BPI: variants seen among roughly 807,000 people sequenced by gnomAD.
BPI encodes bactericidal permeability increasing protein.
A neutral mutation model predicts 57.6 loss-of-function variants in BPI; 48 were observed. That is an observed-to-expected ratio of 0.83 (90% CI 0.66 to 1.06). BPI has a LOEUF of 1.06. Ranked by LOEUF, BPI falls within the 50% of genes least tolerant of loss-of-function variation. The pLI is 0.00. For synonymous variants in BPI, 237 were observed against 238.2 expected, an observed-to-expected ratio of 0.99 and a Z score of 0.05; for missense variants, 651 against 609.7, an observed-to-expected ratio of 1.07 and a Z score of -0.71.
At position 38,311,934 on chromosome 20, in the gene BPI, C is replaced by A. The variant is rs913902137; in HGVS notation, c.597C>A (p.Ser199Arg). ...IESALRNKMNSQVCEKVTNSV... is the reference protein window; with the variant it reads ...IESALRNKMNRQVCEKVTNSV... ...CTGCGCTTCGAAACAAGATGAACAG[C>A]CAGGTAGGAGGGGCTCAGAGCCCCA... Residue 199 changes from serine (S) to arginine (R), a missense_variant, in exon 5 of 15, where the codon AGC becomes AGA. Coordinates refer to ENST00000642449, the MANE Select transcript of BPI (RefSeq NM_001725.3). 5.6e-6 allele frequency: 9 copies of A among 1,613,882 alleles called. No individual in the cohort carries two copies. Among genetic ancestry groups the A allele is most frequent in the Non-Finnish European group, 7.6e-6 (9 of 1,179,922 alleles).
intron 5 of BPI, among the ~76,000 whole-genome samples, chr20:38,314,200 T>C (rs974958869): frequency 5.7e-5 from 5 of 86,980 alleles, no homozygotes; most frequent in African/African-American, 1.9e-4. Context: ...GTGATGGTGA[T>C]GGTGGGGATG....
chr20:38,323,188 T>C (rs528787614), intron 7 of BPI, among the ~76,000 whole-genome samples: 1 of 152,160 alleles, frequency 6.6e-6, no homozygotes, highest in East Asian at 1.9e-4. Flanking sequence ...GCCTGTGTTT[T>C]TATACTTTTT....
At chr20:38,329,047 A>T (rs915419456) in intron 11 of BPI, among the ~76,000 whole-genome samples, 9 of 152,248 alleles carry the variant, frequency 5.9e-5, no homozygotes, top group African/African-American at 2.2e-4. Context: ...ATAGATTTTT[A>T]AAAGTAAAAG....
At chr20:38,316,755 T>A (rs1426080785) in intron 5 of BPI, among the ~76,000 whole-genome samples, 1 of 152,200 alleles carries the variant, frequency 6.6e-6, no homozygotes, top group African/African-American at 2.4e-5. Flanking sequence ...TACCACCTCC[T>A]ACCCTTCTTT....
chr20:38,305,441 T>C (rs975295230), intron 1 of BPI, among the ~76,000 whole-genome samples: 1 of 152,040 alleles, frequency 6.6e-6, no homozygotes, highest in African/African-American at 2.4e-5. Flanking sequence ...TCCCTACACA[T>C]CCTCCCCTGG....
rs749547591 is a variant in BPI, at chr20:38,326,254, G to A, written c.994-11G>A. 2 of 1,608,316 alleles carry A rather than the reference G, an allele frequency of 1.2e-6. No homozygotes were observed. Among genetic ancestry groups the A allele is most frequent in the South Asian group, 1.1e-5 (1 of 90,570 alleles). On this transcript the variant is annotated splice_polypyrimidine_tract_variant and intron_variant, in intron 9 of 14. Transcript: ENST00000642449. The stretch of plus-strand genomic sequence containing the variant: ...CCTCCTTTCGTTGATTGTCTCCACT[G>A]GGGGCTGCAGGTGGCCAAGAAGTTT...
At chr20:38,309,168 T>C in intron 3 of BPI, 110 bp downstream of exon 3, 2 of 1,469,802 alleles carry the variant, frequency 1.4e-6, no homozygotes, top group African/African-American at 1.4e-5. Context: ...TATTACCACC[T>C]ATAGCCACAG....
In BPI at chr20:38,318,455, C is replaced by A. The variant is rs757222022; in HGVS notation, c.643C>A (p.Pro215Thr). Residue 215 changes from proline (P) to threonine (T), a missense_variant, in exon 6 of 15, where the codon CCT becomes ACT. Coordinates refer to ENST00000642449, the MANE Select transcript of BPI (RefSeq NM_001725.3). ...VTNSVSSELQ[P>T]YFQTLPVMTK... ...CAATTCTGTATCCTCCGAGCTGCAA[C>A]CTTATTTCCAGACTCTGCCAGGTGA... 5 of 1,613,836 alleles carry A rather than the reference C, an allele frequency of 3.1e-6. No homozygotes were observed. The highest frequency in any genetic ancestry group is 3.4e-6 in the Non-Finnish European group (4 of 1,179,748).
intron 12 of BPI, among the ~76,000 whole-genome samples, chr20:38,333,082 G>A (rs1248173699): frequency 1.3e-5 from 2 of 152,062 alleles, no homozygotes; most frequent in African/African-American, 4.8e-5. Flanking sequence ...TACCGTCCCA[G>A]TGTCCCCTTC....
intron 3 of BPI, among the ~76,000 whole-genome samples, chr20:38,309,402 C>G (rs1165358800): frequency 6.6e-6 from 1 of 152,200 alleles, no homozygotes; most frequent in African/African-American, 2.4e-5. Flanking sequence ...AATCGGCTGT[C>G]ATCACTTATG....
chr20:38,331,081 C>T lies in BPI; in HGVS notation c.1263C>T (p.Gly421=), dbSNP rs559442745. 648 of 1,614,128 alleles carry T rather than the reference C, an allele frequency of 4.0e-4. 5 individuals are homozygous for T. The South Asian group carries it at 6.4e-3, about 16-fold the overall frequency. The change falls in exon 12 of 15, where the codon GGC becomes GGT. Residue 421 remains glycine, a synonymous_variant. Coordinates refer to ENST00000642449, the MANE Select transcript of BPI (RefSeq NM_001725.3). Reference sequence around the variant, plus strand: ...TGGAACTGAAGCACTCAAATATTGGCCCCTTCCCGGTGAGTCTGAGGCCCT... The same window carrying T: ...TGGAACTGAAGCACTCAAATATTGGTCCCTTCCCGGTGAGTCTGAGGCCCT... The part of the protein sequence containing the change: ...LLLELKHSNI[G]PFPVELLQDI...
At chr20:38,306,886 G>GA (rs541500362) in intron 1 of BPI, among the ~76,000 whole-genome samples, 6 of 152,072 alleles carry the variant, frequency 3.9e-5, no homozygotes, top group Non-Finnish European at 7.4e-5. Flanking sequence ...TAAATGATGG[G>GA]AAAAAAATCA....
At chr20:38,312,635 C>T (rs1291383350) in intron 5 of BPI, among the ~76,000 whole-genome samples, 1 of 152,180 alleles carries the variant, frequency 6.6e-6, no homozygotes, top group African/African-American at 2.4e-5. Flanking sequence ...CAGATCTGTG[C>T]TTTACAACAA....
chr20:38,324,896 G>A (rs2076704619), intron 9 of BPI, 63 bp downstream of exon 9: 7 of 1,358,206 alleles, frequency 5.2e-6, no homozygotes, highest in Middle Eastern at 3.7e-4. Context: ...GGGCTTTGCT[G>A]AGTGGATGAT....
intron 11 of BPI, 57 bp downstream of exon 11, chr20:38,327,712 G>A: frequency 6.4e-7 from 1 of 1,573,786 alleles, no homozygotes; most frequent in Non-Finnish European, 8.7e-7. Context: ...GTGTCTGTGG[G>A]ATGACAGTGG....
At chr20:38,308,128 C>T (rs1230238801) in intron 2 of BPI, among the ~76,000 whole-genome samples, 1 of 152,128 alleles carries the variant, frequency 6.6e-6, no homozygotes, top group East Asian at 1.9e-4. Context: ...GTGTCCCCTC[C>T]AGAGGCAAGA....
At chr20:38,328,397 A>G (rs752172783) in intron 11 of BPI, among the ~76,000 whole-genome samples, 2 of 151,998 alleles carry the variant, frequency 1.3e-5, no homozygotes, top group Non-Finnish European at 2.9e-5. Context: ...TATTAAAAAT[A>G]AAAAATTAAC....
intron 9 of BPI, among the ~76,000 whole-genome samples, chr20:38,325,899 T>C (rs976742557): frequency 1.3e-5 from 2 of 152,178 alleles, no homozygotes; most frequent in Non-Finnish European, 2.9e-5. Context: ...TTGAAGCCAC[T>C]ACTGCTGTCT....
intron 5 of BPI, 85 bp downstream of exon 5, chr20:38,312,022 C>G (rs2076624554): frequency 1.5e-6 from 2 of 1,377,358 alleles, no homozygotes; most frequent in Admixed American, 3.4e-5. Context: ...GGACACTCTG[C>G]TGTCACTCCA....
Sources: gnomAD v4.1 joint callset for allele counts (sites outside exome capture counted in the v4.1 genomes callset) on GRCh38, gnomAD v4.1.1 for gene constraint, MANE v1.5 for transcripts, NCBI Gene and HGNC (gene_info 2026-07-23, HGNC 2026-07-21) for gene names.